Variants in WAC observed in about 807,000 individuals in gnomAD.
The protein encoded by WAC is WW domain-containing adapter protein with coiled-coil.
In WAC, 11 loss-of-function variants were observed where a neutral mutation model predicts 79.6. The ratio of observed to expected loss-of-function variants is 0.14; its 90% CI spans 0.09 to 0.23. WAC has a LOEUF of 0.23. Ranked by LOEUF, WAC falls within the 10% of genes least tolerant of loss-of-function variation. WAC has a pLI of 1.00. For synonymous variants in WAC, 304 were observed against 276.9 expected, an observed-to-expected ratio of 1.10 and a Z score of -0.97; for missense variants, 728 against 773.5, an observed-to-expected ratio of 0.94 and a Z score of 0.70.
At chr10:28,544,793 G>A (rs753199529) in intron 3 of WAC, among the ~76,000 whole-genome samples, 3 of 152,144 alleles carry the variant, frequency 2.0e-5, no homozygotes, top group Non-Finnish European at 2.9e-5. Flanking sequence ...GCCAGGCGCG[G>A]TGGCTCACGC....
intron 3 of WAC, among the ~76,000 whole-genome samples, chr10:28,538,599 A>G (rs1201132720): frequency 1.3e-5 from 2 of 151,140 alleles, no homozygotes; most frequent in Non-Finnish European, 3.0e-5. Flanking sequence ...AAAAAAAAAA[A>G]AAGAATTCAG....
At chr10:28,566,861 G>C (rs1838646034) in intron 3 of WAC, among the ~76,000 whole-genome samples, 1 of 151,578 alleles carries the variant, frequency 6.6e-6, no homozygotes, top group African/African-American at 2.4e-5. Flanking sequence ...TATTTTTGCT[G>C]GTATGTGGTG....
At chr10:28,590,442 TTAA>T (rs1437510493) in intron 5 of WAC, among the ~76,000 whole-genome samples, 5 of 152,192 alleles carry the variant, frequency 3.3e-5, no homozygotes, top group African/African-American at 1.2e-4. Flanking sequence ...TTTTAATAGT[TTAA>T]TAAGGCCGTA....
chr10:28,535,441 G>A, intron 2 of WAC, 121 bp from the exon 3 acceptor site: 1 of 1,237,792 alleles, frequency 8.1e-7, no homozygotes, highest in Non-Finnish European at 1.1e-6. Context: ...AATTGAAAGT[G>A]GAAATTTTAA....
At chr10:28,580,983 C>T (rs906646653) in intron 3 of WAC, among the ~76,000 whole-genome samples, 2 of 152,096 alleles carry the variant, frequency 1.3e-5, no homozygotes, top group African/African-American at 4.8e-5. Context: ...CAGGTGTAAG[C>T]TTCTAAGAAT....
chr10:28,593,801 A>G (rs926501317), intron 6 of WAC, among the ~76,000 whole-genome samples: 1 of 152,086 alleles, frequency 6.6e-6, no homozygotes, highest in Non-Finnish European at 1.5e-5. Context: ...AATTATATGG[A>G]TAAAATTTTT....
At chr10:28,566,925 TTTA>T (rs1838650943) in intron 3 of WAC, among the ~76,000 whole-genome samples, 2 of 151,692 alleles carry the variant, frequency 1.3e-5, no homozygotes, top group Admixed American at 1.3e-4. Flanking sequence ...GAAGTTTTGT[TTTA>T]TTATCCCCTT....
chr10:28,623,046 GTC>G lies in WAC; in HGVS notation c.*3442_*3443del, dbSNP rs1463451395. ...GTTATTTCAGAACTGTGTTTTGAAA[GTC>G]TTAGAATGCATAATTTGCATTTGAG... On this transcript the variant is annotated 3_prime_UTR_variant, in exon 14 of 14. Transcript: ENST00000354911. 6.6e-6 allele frequency: 1 copy of G among 152,166 alleles called. No homozygotes were observed. Among genetic ancestry groups the G allele is most frequent in the Non-Finnish European group, 1.5e-5 (1 of 68,034 alleles). 9.4% of individuals were successfully genotyped at this position (152,166 alleles called of 1,614,324 possible).
At chr10:28,608,503 G>C in intron 8 of WAC, 72 bp downstream of exon 8, 3 of 1,386,166 alleles carry the variant, frequency 2.2e-6, no homozygotes, top group South Asian at 1.5e-5. Flanking sequence ...AAAATCCCCA[G>C]TTTAGGAATG....
intron 12 of WAC, among the ~76,000 whole-genome samples, chr10:28,616,860 T>C (rs1457941162): frequency 6.6e-6 from 1 of 152,210 alleles, no homozygotes; most frequent in East Asian, 1.9e-4. Flanking sequence ...GGTGGATCAC[T>C]TGAGGCCAGC....
chr10:28,541,310 A>T (rs915640491), intron 3 of WAC, among the ~76,000 whole-genome samples: 8 of 151,070 alleles, frequency 5.3e-5, no homozygotes, highest in Admixed American at 2.6e-4. Context: ...AAGAGTGAAG[A>T]TGGAAATAAG....
At chr10:28,602,327 AT>A (rs1480286863) in intron 7 of WAC, among the ~76,000 whole-genome samples, 4 of 152,244 alleles carry the variant, frequency 2.6e-5, no homozygotes, top group Admixed American at 2.6e-4. Flanking sequence ...AAAACAGCAT[AT>A]TTATATACAT....
chr10:28,591,781 G>A (rs1840095085), intron 6 of WAC: 1 of 146,466 alleles, frequency 6.8e-6, no homozygotes, highest in Non-Finnish European at 1.5e-5. Flanking sequence ...CTGGCATTTG[G>A]CTATGATCTT....
chr10:28,538,304 C>T (rs1467044479), intron 3 of WAC: 6 of 333,286 alleles, frequency 1.8e-5, no homozygotes, highest in Non-Finnish European at 3.2e-5. Flanking sequence ...TGAATTCAGG[C>T]CGGGTCAGTG....
chr10:28,574,467 G>A (rs567245573), intron 3 of WAC, among the ~76,000 whole-genome samples: 2 of 152,058 alleles, frequency 1.3e-5, no homozygotes, highest in Admixed American at 1.3e-4. Flanking sequence ...TTTTGAGACA[G>A]TGTCTCATTC....
chr10:28,611,447 C>T (rs1841233670), intron 9 of WAC: 1 of 1,322,292 alleles, frequency 7.6e-7, no homozygotes, highest in Non-Finnish European at 9.9e-7. Flanking sequence ...GATACCTGGG[C>T]CTAAATGTAG....
intron 6 of WAC, among the ~76,000 whole-genome samples, chr10:28,594,469 T>C (rs1402492260): frequency 6.6e-6 from 1 of 152,272 alleles, no homozygotes; most frequent in Non-Finnish European, 1.5e-5. Context: ...GTTTGTATTC[T>C]GTTCATTTTT....
intron 7 of WAC, among the ~76,000 whole-genome samples, chr10:28,601,087 C>T (rs1392801850): frequency 6.6e-6 from 1 of 152,088 alleles, no homozygotes; most frequent in Non-Finnish European, 1.5e-5. Flanking sequence ...AAAATAGGCA[C>T]ATTGGACTTC....
At chr10:28,542,379 A>G (rs555034399) in intron 3 of WAC, among the ~76,000 whole-genome samples, 32 of 152,356 alleles carry the variant, frequency 2.1e-4, no homozygotes, top group Non-Finnish European at 3.5e-4. Context: ...GTGCTGTGCA[A>G]CATTGCACCA....
Sources: allele counts gnomAD v4.1 joint callset (sites outside exome capture counted in the v4.1 genomes callset), GRCh38; gene constraint gnomAD v4.1.1; transcripts MANE v1.5; gene names NCBI Gene and HGNC (gene_info 2026-07-23, HGNC 2026-07-21).